The following DENND2B variants were observed in gnomAD, a reference collection of about 807,000 sequenced individuals.
The protein encoded by DENND2B is DENN domain-containing protein 2B.
DENND2B carries 32 observed loss-of-function variants against 116.0 expected under a neutral mutation model. The ratio of observed to expected loss-of-function variants is 0.28; its 90% CI spans 0.21 to 0.37. The LOEUF (loss-of-function observed/expected upper bound fraction) is 0.37, where lower values mean the gene tolerates loss of function less well. DENND2B is among the 10% of genes least tolerant of loss of function. The pLI, the probability that DENND2B is intolerant of heterozygous loss-of-function variation, is 1.00. For synonymous variants in DENND2B, 588 were observed against 583.9 expected, an observed-to-expected ratio of 1.01 and a Z score of -0.10; for missense variants, 1,276 against 1,477.7, an observed-to-expected ratio of 0.86 and a Z score of 2.24.
chr11:8,786,845 A>G (rs1176342331), intron 1 of DENND2B, among the ~76,000 whole-genome samples: 3 of 152,082 alleles, frequency 2.0e-5, no homozygotes, highest in Non-Finnish European at 4.4e-5. Context: ...AACAACAAAA[A>G]AAAACAAGAT....
At chr11:8,905,295 G>T (rs2064221981) in intron 1 of DENND2B, among the ~76,000 whole-genome samples, 1 of 152,036 alleles carries the variant, frequency 6.6e-6, no homozygotes, top group South Asian at 2.1e-4. Flanking sequence ...AATGAGAAAA[G>T]GATAGTCTTT....
intron 3 of DENND2B, among the ~76,000 whole-genome samples, chr11:8,840,462 AGGCCTGAGTCG>A (rs540314322): frequency 6.6e-6 from 1 of 152,308 alleles, no homozygotes; most frequent in African/African-American, 2.4e-5. Flanking sequence ...CTGAGCACCT[AGGCCTGAGTCG>A]GGCAAGCTTC....
intron 1 of DENND2B, among the ~76,000 whole-genome samples, chr11:8,894,928 T>C (rs1177174598): frequency 3.3e-5 from 5 of 152,216 alleles, no homozygotes; most frequent in African/African-American, 1.2e-4. Context: ...TAAATCATGC[T>C]GCTATAAAGA....
chr11:8,804,471 G>A (rs2060649063), intron 1 of DENND2B, among the ~76,000 whole-genome samples: 1 of 151,824 alleles, frequency 6.6e-6, no homozygotes, highest in Non-Finnish European at 1.5e-5. Flanking sequence ...TACACACCCA[G>A]GACTGCACAG....
chr11:8,872,557 G>A (rs1486903252), upstream of DENND2B, among the ~76,000 whole-genome samples: 3 of 150,410 alleles, frequency 2.0e-5, no homozygotes, highest in African/African-American at 7.3e-5. Context: ...TCGAACACAA[G>A]TAATGGCAAG....
At chr11:8,696,396 TTAGAG>T in intron 18 of DENND2B, 26 bp downstream of exon 18, 1 of 1,609,864 alleles carries the variant, frequency 6.2e-7, no homozygotes, top group Non-Finnish European at 8.5e-7. Flanking sequence ...GGTGAAAAAA[TTAGAG>T]AAGAGAGCTG....
intron 1 of DENND2B, among the ~76,000 whole-genome samples, chr11:8,900,059 G>T (rs973734626): frequency 2.6e-5 from 4 of 152,156 alleles, no homozygotes; most frequent in Non-Finnish European, 5.9e-5. Flanking sequence ...AGGAGGCCGA[G>T]ATGGGTGGAC....
intron 1 of DENND2B, among the ~76,000 whole-genome samples, chr11:8,777,961 A>T (rs568239602): frequency 7.4e-4 from 113 of 152,292 alleles, no homozygotes; most frequent in Non-Finnish European, 1.1e-3. Flanking sequence ...TTTTCCAGAG[A>T]GGCTGAATGG....
chr11:8,714,109 AC>A, intron 7 of DENND2B, 67 bp from the exon 8 acceptor site: 2 of 1,535,400 alleles, frequency 1.3e-6, no homozygotes, highest in East Asian at 2.2e-5. Context: ...CTCCCCCACC[AC>A]CCCAGCTTTT....
At chr11:8,811,144 G>A (rs903155553), upstream of DENND2B, 12 of 394,794 alleles carry the variant, frequency 3.0e-5, no homozygotes, top group South Asian at 5.5e-4. Flanking sequence ...ACCCTGATGC[G>A]CTGCCTTGAC....
Position 8,818,091 on chromosome 11 carries a change from G to A in DENND2B, c.-114-6756C>T, listed in dbSNP as rs372886406. Reference sequence around the variant, plus strand: ...AGCCTGGCCAACACGGCAAAACTCCGTCTCTACTAAAAATACACAAACTAG... The same window carrying A: ...AGCCTGGCCAACACGGCAAAACTCCATCTCTACTAAAAATACACAAACTAG... On this transcript the variant is annotated intron_variant, in intron 4 of 6. Coordinates refer to the DENND2B transcript ENST00000524757. Among the ~76,000 whole-genome samples the A allele has an allele frequency of 2.6e-3, 62 of 23,818 alleles. 3 individuals carry two copies. The highest frequency in any genetic ancestry group is 2.2e-3 in the African/African-American group (32 of 14,698). 15.6% of individuals were successfully genotyped at this position (23,818 alleles called of 152,430 possible).
intron 14 of DENND2B, among the ~76,000 whole-genome samples, chr11:8,699,684 G>A (rs1295818218): frequency 6.6e-6 from 1 of 152,188 alleles, no homozygotes; most frequent in Non-Finnish European, 1.5e-5. Flanking sequence ...GGTTTGGGGG[G>A]CACATCAGTG....
At chr11:8,794,348 G>A (rs1374297597) in intron 1 of DENND2B, among the ~76,000 whole-genome samples, 1 of 152,180 alleles carries the variant, frequency 6.6e-6, no homozygotes, top group African/African-American at 2.4e-5. Context: ...CAAGTTCCCA[G>A]TGAGCATCCG....
rs948430770 is a variant in DENND2B at position 8,800,467 on chromosome 11, G to A, written c.-26+10050C>T. ...TACTGTCGAATCTGAGCCCCTGCCTGTGGAAGCCTGCAGAAGTAAAAAAGC... is the reference window on the plus strand; with the variant it reads ...TACTGTCGAATCTGAGCCCCTGCCTATGGAAGCCTGCAGAAGTAAAAAAGC... On this transcript the variant is annotated intron_variant, in intron 1 of 19. Coordinates refer to ENST00000313726, the MANE Select transcript of DENND2B (RefSeq NM_213618.2). 4.6e-5 allele frequency among the ~76,000 whole-genome samples: 7 copies of A among 152,198 alleles called. No individual in the cohort carries two copies. In the East Asian group the frequency reaches 1.2e-3, roughly 25 times the overall value.
Position 8,810,527 on chromosome 11 carries a change from C to G in DENND2B, c.-36G>C, listed in dbSNP as rs924849557. On this transcript the variant is annotated 5_prime_UTR_variant, in exon 1 of 20. Transcript: ENST00000313726. ...CGGAGCTGCCCTTACCTGAAAGTCC[C>G]GCTGCTTTCCTGCCCACTCCATTCT... 1 of 152,292 alleles carries G rather than the reference C, an allele frequency of 6.6e-6. No individual in the cohort carries two copies. The highest frequency in any genetic ancestry group is 2.4e-5 in the African/African-American group (1 of 41,454). 9.4% of individuals were successfully genotyped at this position (152,292 alleles called of 1,614,324 possible). A position where few individuals can be genotyped will look rare whatever the true frequency, so the allele number is the denominator to read the frequency against.
At chr11:8,752,157 A>G (rs1041087795) in intron 1 of DENND2B, among the ~76,000 whole-genome samples, 1 of 152,222 alleles carries the variant, frequency 6.6e-6, no homozygotes, top group Non-Finnish European at 1.5e-5. Context: ...ATAAAAAAAA[A>G]TTAAGCAAGG....
At chr11:8,725,066 G>A (rs930761994) in intron 4 of DENND2B, among the ~76,000 whole-genome samples, 1 of 152,196 alleles carries the variant, frequency 6.6e-6, no homozygotes, top group Non-Finnish European at 1.5e-5. Flanking sequence ...GCGACCCAGG[G>A]GTCTCGTGTC....
intron 1 of DENND2B, among the ~76,000 whole-genome samples, chr11:8,752,185 G>A (rs1234914277): frequency 1.3e-5 from 2 of 152,230 alleles, no homozygotes; most frequent in African/African-American, 2.4e-5. Flanking sequence ...GGGCGTGGTG[G>A]CTCACGCCTG....
Position 8,750,600 on chromosome 11 carries a change from C to G in DENND2B, c.80+21G>C, listed in dbSNP as rs752787318. On this transcript the variant is annotated intron_variant, in intron 2 of 19. Transcript: ENST00000313726. The stretch of plus-strand genomic sequence containing the variant: ...ACCTAGGTCCCTTGATGCCACCTCC[C>G]ACAAGTGCTCCCTTACCCACCTGCT... 6.2e-6 allele frequency: 10 copies of G among 1,609,636 alleles called. No individual in the cohort carries two copies. The South Asian group carries it at 9.9e-5, about 16-fold the overall frequency.
Sources: gnomAD v4.1 joint callset for allele counts (sites outside exome capture counted in the v4.1 genomes callset) on GRCh38, gnomAD v4.1.1 for gene constraint, MANE v1.5 for transcripts, NCBI Gene and HGNC (gene_info 2026-07-23, HGNC 2026-07-21) for gene names.